Variants in RBM39 observed in about 807,000 individuals in gnomAD.
RBM39 encodes RNA binding motif protein 39, also known as RNA-binding protein 39.
RBM39 carries 12 observed loss-of-function variants against 79.6 expected under a neutral mutation model. The observed-to-expected ratio is 0.15, with a 90% confidence interval of 0.10 to 0.24. The LOEUF is 0.24. Among genes scored for constraint, RBM39 ranks in the 10% least tolerant of loss-of-function variants. The pLI, the probability that RBM39 is intolerant of heterozygous loss-of-function variation, is 1.00. For synonymous variants in RBM39, 185 were observed against 208.4 expected (o/e 0.89, Z 0.97); for missense variants, 243 against 653.4 (o/e 0.37, Z 6.85).
chr20:35,735,586 T>C (rs2146717530), intron 3 of RBM39, among the ~76,000 whole-genome samples: 1 of 152,338 alleles, frequency 6.6e-6, no homozygotes, highest in East Asian at 1.9e-4. Flanking sequence ...TTAAGAAATT[T>C]AATTTAGTAC....
At position 35,737,848 on chromosome 20, in the gene RBM39, C is replaced by CAAAA. The variant is rs35300439; in HGVS notation, c.101+1116_101+1119dup. 1.4e-3 allele frequency among the ~76,000 whole-genome samples: 55 copies of CAAAA among 40,430 alleles called. 1 individual carries two copies. The highest frequency in any genetic ancestry group is 8.7e-3 in the East Asian group (9 of 1,038). 26.5% of individuals were successfully genotyped at this position (40,430 alleles called of 152,430 possible). A position where few individuals can be genotyped will look rare whatever the true frequency, so the allele number is the denominator to read the frequency against. On this transcript the variant is annotated intron_variant, in intron 3 of 16. Coordinates refer to ENST00000253363, the MANE Select transcript of RBM39 (RefSeq NM_184234.3). ...TGGGCAACAGAGCAAGACTCCGTGT[C>CAAAA]AAAAAAAAAAAAAAAAAAAAAAAGG...
chr20:35,726,920 G>A (rs1298780364), intron 6 of RBM39, among the ~76,000 whole-genome samples: 1 of 152,050 alleles, frequency 6.6e-6, no homozygotes, highest in African/African-American at 2.4e-5. Context: ...CCATCTCACG[G>A]GTTCAAGCAA....
intron 9 of RBM39, among the ~76,000 whole-genome samples, 169 bp downstream of exon 9, chr20:35,721,567 AATCT>A (rs2037945271): frequency 6.6e-6 from 1 of 152,258 alleles, no homozygotes; most frequent in Admixed American, 6.5e-5. Flanking sequence ...TTCTTTTAAG[AATCT>A]ATCAAGTGAC....
chr20:35,733,992 C>T, intron 3 of RBM39, among the ~76,000 whole-genome samples: 1 of 152,150 alleles, frequency 6.6e-6, no homozygotes. Context: ...TCAGTTTATT[C>T]CACGAAAATG....
At chr20:35,714,868 T>A (rs1438243298) in intron 10 of RBM39, among the ~76,000 whole-genome samples, 1 of 152,128 alleles carries the variant, frequency 6.6e-6, no homozygotes, top group Non-Finnish European at 1.5e-5. Flanking sequence ...TACATATATA[T>A]AAAATTTTGG....
At chr20:35,711,023 A>G (rs1214024862) in intron 12 of RBM39, among the ~76,000 whole-genome samples, 1 of 152,198 alleles carries the variant, frequency 6.6e-6, no homozygotes, top group Non-Finnish European at 1.5e-5. Flanking sequence ...CATCCATAAT[A>G]AAAGAAATAA....
intron 8 of RBM39, among the ~76,000 whole-genome samples, chr20:35,722,457 G>GTTTTT (rs1423718184): frequency 0.016 from 2,126 of 131,016 alleles, 59 homozygotes; most frequent in Non-Finnish European, 0.02. Flanking sequence ...TTATTTAGAG[G>GTTTTT]CTTTTTTTTT....
At position 35,702,327 on chromosome 20, in the gene RBM39, T is replaced by G. The variant is rs2035321760; in HGVS notation, c.*2154A>C. ...TGCTGACTCAGGAACTGATTGGACA[T>G]AAACAGTTTCACTCAGAATGAGCTG... On this transcript the variant is annotated 3_prime_UTR_variant, in exon 17 of 17. Coordinates refer to ENST00000253363, the MANE Select transcript of RBM39 (RefSeq NM_184234.3). The G allele has an allele frequency of 6.6e-6, 1 of 152,244 alleles. No individual in the cohort carries two copies. The highest frequency in any genetic ancestry group is 1.5e-5 in the Non-Finnish European group (1 of 68,046). 9.4% of individuals were successfully genotyped at this position (152,244 alleles called of 1,614,324 possible).
At chr20:35,705,397 TCAAAA>T in intron 14 of RBM39, 67 bp from the exon 15 acceptor site, 1 of 892,910 alleles carries the variant, frequency 1.1e-6, no homozygotes, top group Non-Finnish European at 1.7e-6. Context: ...TACAAATGTA[TCAAAA>T]AATTTAAATA....
At chr20:35,711,377 G>A (rs181446645) in intron 12 of RBM39, among the ~76,000 whole-genome samples, 2 of 152,126 alleles carry the variant, frequency 1.3e-5, no homozygotes, top group South Asian at 2.1e-4. Context: ...AGTAGCAATC[G>A]ACAATTACTC....
At chr20:35,710,422 T>A (rs1423984771) in intron 12 of RBM39, 1 of 152,126 alleles carries the variant, frequency 6.6e-6, no homozygotes, top group African/African-American at 2.4e-5. Flanking sequence ...TTTTTTTTCC[T>A]AAAATGGGAA....
At chr20:35,736,065 C>T (rs1341508908) in intron 3 of RBM39, among the ~76,000 whole-genome samples, 2 of 152,236 alleles carry the variant, frequency 1.3e-5, no homozygotes, top group Non-Finnish European at 2.9e-5. Context: ...AGTGTACGTT[C>T]TTATCCTTCT....
intron 9 of RBM39, among the ~76,000 whole-genome samples, chr20:35,718,320 G>C (rs1008159843): frequency 6.6e-6 from 1 of 151,782 alleles, no homozygotes; most frequent in Admixed American, 6.6e-5. Context: ...TAGAAAAGGA[G>C]TAGTCGTGGA....
At chr20:35,723,352 C>T (rs752111200) in intron 8 of RBM39, among the ~76,000 whole-genome samples, 1 of 152,194 alleles carries the variant, frequency 6.6e-6, no homozygotes, top group Non-Finnish European at 1.5e-5. Context: ...TAAAACCTCA[C>T]TTAATATGCT....
intron 9 of RBM39, among the ~76,000 whole-genome samples, chr20:35,718,053 G>A (rs762760635): frequency 1.1e-4 from 16 of 151,662 alleles, no homozygotes; most frequent in Non-Finnish European, 2.4e-4. Flanking sequence ...TATAGACGGG[G>A]TTTCACCGAG....
intron 3 of RBM39, among the ~76,000 whole-genome samples, chr20:35,735,631 T>C (rs2425116): frequency 0.19 from 28,433 of 152,162 alleles, 3,063 homozygotes; most frequent in African/African-American, 0.31. Flanking sequence ...GTATGTTTTA[T>C]ATCTATTCCT....
Position 35,729,372 on chromosome 20 carries a change from A to C in RBM39, c.363-7T>G, listed in dbSNP as rs201588053. On this transcript the variant is annotated splice_polypyrimidine_tract_variant and splice_region_variant and intron_variant, in intron 5 of 16. Coordinates refer to ENST00000253363, the MANE Select transcript of RBM39 (RefSeq NM_184234.3). Reference sequence around the variant, plus strand: ...GCTTCGGGAACGTCGTCTGCTGCAAAGTTAAAAAGTTTCAGAAGTTATCCA... The same window carrying C: ...GCTTCGGGAACGTCGTCTGCTGCAACGTTAAAAAGTTTCAGAAGTTATCCA... 10 of 1,605,790 alleles carry C rather than the reference A, an allele frequency of 6.2e-6. No individual in the cohort carries two copies. The highest frequency in any genetic ancestry group is 4.5e-5 in the East Asian group (2 of 44,842).
intron 8 of RBM39, 143 bp downstream of exon 8, chr20:35,724,427 A>G: frequency 2.8e-6 from 2 of 708,020 alleles, no homozygotes; most frequent in South Asian, 3.4e-5. Flanking sequence ...TAATAAACGC[A>G]AAGTTAAAAA....
At chr20:35,738,467 C>T (rs1279453378) in intron 3 of RBM39, among the ~76,000 whole-genome samples, 1 of 149,938 alleles carries the variant, frequency 6.7e-6, no homozygotes, top group African/African-American at 2.5e-5. Flanking sequence ...TAATGAAAGC[C>T]ACCTTTAGAA....
Sources: gnomAD v4.1 joint callset for allele counts (sites outside exome capture counted in the v4.1 genomes callset) on GRCh38, gnomAD v4.1.1 for gene constraint, MANE v1.5 for transcripts, NCBI Gene and HGNC (gene_info 2026-07-23, HGNC 2026-07-21) for gene names.